The following ZNF280D variants were observed in gnomAD, a reference collection of about 807,000 sequenced individuals.
The protein encoded by ZNF280D is suppressor of hairy wing homolog 4.
Under a neutral mutation model 94.7 loss-of-function variants are expected in ZNF280D, and 39 were observed. The ratio of observed to expected loss-of-function variants is 0.41; its 90% CI spans 0.32 to 0.54. The LOEUF is 0.54. Ranked by LOEUF, ZNF280D falls within the 20% of genes least tolerant of loss-of-function variation. The probability of loss-of-function intolerance (pLI) is 0.22; values close to 1 mark genes in which losing one functional copy is unlikely to be tolerated. For synonymous variants in ZNF280D, 398 were observed against 377.6 expected, an observed-to-expected ratio of 1.05 and a Z score of -0.63; for missense variants, 1,090 against 1,149.3, an observed-to-expected ratio of 0.95 and a Z score of 0.75.
intron 14 of ZNF280D, chr15:56,668,371 T>C (rs1596417446): frequency 6.3e-6 from 2 of 317,940 alleles, no homozygotes; most frequent in East Asian, 2.0e-4. Flanking sequence ...CAGTAGAACT[T>C]GCTTCTCAGA....
At chr15:56,655,509 T>C (rs2053493072) in intron 17 of ZNF280D, among the ~76,000 whole-genome samples, 1 of 152,176 alleles carries the variant, frequency 6.6e-6, no homozygotes, top group Admixed American at 6.5e-5. Context: ...CCGGCCTGAG[T>C]GCTGTAGTTC....
intron 8 of ZNF280D, 61 bp downstream of exon 8, chr15:56,689,239 A>G (rs2056270155): frequency 2.6e-6 from 4 of 1,550,748 alleles, no homozygotes; most frequent in Non-Finnish European, 3.5e-6. Context: ...ATTTATAGCC[A>G]CTTCAAAAAT....
At chr15:56,663,159 TG>T (rs2054063800) in intron 16 of ZNF280D, among the ~76,000 whole-genome samples, 1 of 150,598 alleles carries the variant, frequency 6.6e-6, no homozygotes. Context: ...AGTGCATGCC[TG>T]TAAGTCCCAG....
intron 1 of ZNF280D, among the ~76,000 whole-genome samples, chr15:56,720,098 T>C (rs529313484): frequency 8.5e-5 from 13 of 152,290 alleles, no homozygotes; most frequent in African/African-American, 2.9e-4. Flanking sequence ...AAAAGGTTTC[T>C]TGGTAGCATA....
intron 1 of ZNF280D, among the ~76,000 whole-genome samples, chr15:56,728,097 T>C (rs1011114212): frequency 6.6e-5 from 10 of 152,052 alleles, no homozygotes; most frequent in South Asian, 2.1e-4. Context: ...AGTGACACAA[T>C]TGCAGCTCAC....
At position 56,654,242 on chromosome 15, in the gene ZNF280D, T is replaced by G. The variant is rs757443460; in HGVS notation, c.2177-8A>C. The stretch of plus-strand genomic sequence containing the variant: ...TTGGGATACAAACAGAAACTGAAAT[T>G]AGAAGAAAAGTTTTACATTTACAAC... On this transcript the variant is annotated splice_polypyrimidine_tract_variant and splice_region_variant and intron_variant, in intron 18 of 21. Coordinates refer to ENST00000267807, the MANE Select transcript of ZNF280D (RefSeq NM_017661.4). The G allele has an allele frequency of 1.2e-6, 2 of 1,610,202 alleles. No homozygotes were observed. The highest frequency in any genetic ancestry group is 1.7e-6 in the Non-Finnish European group (2 of 1,179,018).
intron 20 of ZNF280D, among the ~76,000 whole-genome samples, chr15:56,636,887 TG>T (rs2052381612): frequency 6.6e-6 from 1 of 152,160 alleles, no homozygotes; most frequent in South Asian, 2.1e-4. Flanking sequence ...CCCAAAGTGC[TG>T]GGATTACAGG....
intron 7 of ZNF280D, among the ~76,000 whole-genome samples, chr15:56,690,957 T>C (rs2056390492): frequency 6.6e-6 from 1 of 152,154 alleles, no homozygotes; most frequent in African/African-American, 2.4e-5. Flanking sequence ...CTTGTCACTC[T>C]CTAGTCTAGT....
At chr15:56,650,194 G>A (rs959203535) in intron 19 of ZNF280D, among the ~76,000 whole-genome samples, 1 of 151,986 alleles carries the variant, frequency 6.6e-6, no homozygotes, top group Non-Finnish European at 1.5e-5. Context: ...CACATAAAAA[G>A]TAGGGTGTCA....
intron 19 of ZNF280D, among the ~76,000 whole-genome samples, chr15:56,650,905 G>A (rs1017150507): frequency 6.6e-6 from 1 of 152,116 alleles, no homozygotes. Flanking sequence ...TCATCTCTCA[G>A]TGAGGCCTCA....
chr15:56,722,323 G>A (rs1288661311), intron 1 of ZNF280D, among the ~76,000 whole-genome samples: 1 of 152,154 alleles, frequency 6.6e-6, no homozygotes, highest in Non-Finnish European at 1.5e-5. Flanking sequence ...TTGGAAAAAT[G>A]GCTGAGATAG....
rs2141106533 is a variant in ZNF280D at position 56,693,183 on chromosome 15, A to G, written c.414T>C (p.Ser138=). 4 of 1,597,962 alleles carry G rather than the reference A, an allele frequency of 2.5e-6. No homozygotes were observed. The highest frequency in any genetic ancestry group is 3.4e-6 in the Non-Finnish European group (4 of 1,173,066). The change falls in exon 7 of 22, where the codon TCT becomes TCC. Residue 138 remains serine (S), a synonymous_variant. Transcript: ENST00000267807. The part of the protein sequence containing the change: ...GYITNSSRVV[S]NKSSELLFDL... The stretch of plus-strand genomic sequence containing the variant: ...CAAACAGTAACTCTGATGACTTATT[A>G]GACACAACTCGTGATGAGTTTGTTA...
At chr15:56,695,375 T>G (rs1320118712) in intron 6 of ZNF280D, among the ~76,000 whole-genome samples, 3 of 151,796 alleles carry the variant, frequency 2.0e-5, no homozygotes, top group Non-Finnish European at 4.4e-5. Context: ...GCCCAGCCGG[T>G]TCACCCCCTT....
intron 1 of ZNF280D, among the ~76,000 whole-genome samples, chr15:56,722,802 A>G (rs1376674196): frequency 6.6e-6 from 1 of 152,184 alleles, no homozygotes; most frequent in African/African-American, 2.4e-5. Flanking sequence ...GGCATTATTC[A>G]CAATAGCAAA....
intron 1 of ZNF280D, among the ~76,000 whole-genome samples, chr15:56,713,770 G>A (rs1170785180): frequency 6.6e-6 from 1 of 152,042 alleles, no homozygotes; most frequent in Non-Finnish European, 1.5e-5. Context: ...AATATTTTGA[G>A]TAAAAAGAGC....
chr15:56,643,094 T>G, intron 19 of ZNF280D, 97 bp from the exon 20 acceptor site: 1 of 783,568 alleles, frequency 1.3e-6, no homozygotes, highest in Non-Finnish European at 1.9e-6. Context: ...AATTAAAATG[T>G]AGATCGAAAC....
At chr15:56,722,209 T>C (rs1371919145) in intron 1 of ZNF280D, among the ~76,000 whole-genome samples, 1 of 152,092 alleles carries the variant, frequency 6.6e-6, no homozygotes, top group Admixed American at 6.5e-5. Context: ...ATAGTAACAT[T>C]AAAGATCACT....
chr15:56,666,355 A>G (rs1412840158), intron 16 of ZNF280D, 40 bp downstream of exon 16: 1 of 1,589,386 alleles, frequency 6.3e-7, no homozygotes, highest in Non-Finnish European at 8.5e-7. Flanking sequence ...TTGCTGAACT[A>G]TAATTTTAAT....
intron 6 of ZNF280D, 24 bp downstream of exon 6, chr15:56,700,909 C>T (rs2057023789): frequency 6.2e-7 from 1 of 1,613,658 alleles, no homozygotes; most frequent in South Asian, 1.1e-5. Context: ...CCTGAGCTGG[C>T]CGTATAGTTT....
Sources: gnomAD v4.1 joint callset for allele counts (sites outside exome capture counted in the v4.1 genomes callset) on GRCh38, gnomAD v4.1.1 for gene constraint, MANE v1.5 for transcripts, NCBI Gene and HGNC (gene_info 2026-07-23, HGNC 2026-07-21) for gene names.